DLGAP1: variants seen among roughly 807,000 people sequenced by gnomAD.
DLGAP1 encodes DLG associated protein 1, also known as disks large-associated protein 1.
In DLGAP1, 11 loss-of-function variants were observed where a neutral mutation model predicts 90.8. That is an observed-to-expected ratio of 0.12 (90% confidence interval 0.08 to 0.20). The LOEUF (loss-of-function observed/expected upper bound fraction) is 0.20. DLGAP1 is among the 10% of genes least tolerant of loss of function. DLGAP1 has a pLI of 1.00. For synonymous variants in DLGAP1, 558 were observed against 540.7 expected (o/e 1.03, Z -0.44); for missense variants, 1,050 against 1,333.8 (o/e 0.79, Z 3.31).
At chr18:3,979,600 T>C (rs1292871506) in intron 3 of DLGAP1, among the ~76,000 whole-genome samples, 1 of 152,202 alleles carries the variant, frequency 6.6e-6, no homozygotes, top group Non-Finnish European at 1.5e-5. Flanking sequence ...TTGGTAAAAG[T>C]GTACAAAGTT....
At chr18:4,355,068 A>G (rs1328458072) in intron 1 of DLGAP1, among the ~76,000 whole-genome samples, 1 of 152,164 alleles carries the variant, frequency 6.6e-6, no homozygotes, top group Non-Finnish European at 1.5e-5. Flanking sequence ...ACAGTTTGGC[A>G]GTGTCTTTTA....
At chr18:3,518,525 TAA>T (rs34819875) in intron 10 of DLGAP1, among the ~76,000 whole-genome samples, 103,229 of 148,752 alleles carry the variant, frequency 0.69, 36,214 homozygotes, top group South Asian at 0.8. Context: ...TCAATTTGTT[TAA>T]AAAAAAAAAA....
At chr18:3,639,896 A>G (rs764870850) in intron 7 of DLGAP1, among the ~76,000 whole-genome samples, 2 of 144,472 alleles carry the variant, frequency 1.4e-5, no homozygotes, top group Non-Finnish European at 3.0e-5. Context: ...CTGGGACTAC[A>G]GGCGCCCGCC....
chr18:4,214,344 G>A (rs2077908064), intron 1 of DLGAP1, among the ~76,000 whole-genome samples: 1 of 151,476 alleles, frequency 6.6e-6, no homozygotes, highest in South Asian at 2.1e-4. Flanking sequence ...AAAGGATTCA[G>A]TATAAAACCC....
chr18:4,246,621 C>T (rs2078657660), intron 1 of DLGAP1, among the ~76,000 whole-genome samples: 1 of 152,128 alleles, frequency 6.6e-6, no homozygotes, highest in Non-Finnish European at 1.5e-5. Context: ...TCTGTGTCTC[C>T]CCACACACCC....
intron 3 of DLGAP1, among the ~76,000 whole-genome samples, chr18:3,944,947 C>T (rs992464366): frequency 2.0e-5 from 3 of 152,146 alleles, no homozygotes; most frequent in Admixed American, 6.5e-5. Context: ...GTTTGGTTTC[C>T]TTAAATACAC....
chr18:4,230,950 C>G (rs1438018765), intron 1 of DLGAP1, among the ~76,000 whole-genome samples: 1 of 151,610 alleles, frequency 6.6e-6, no homozygotes, highest in African/African-American at 2.4e-5. Context: ...AACAAACAAA[C>G]AAAAAACCTA....
At chr18:3,552,847 A>G (rs1299476847) in intron 9 of DLGAP1, among the ~76,000 whole-genome samples, 2 of 152,136 alleles carry the variant, frequency 1.3e-5, no homozygotes, top group Non-Finnish European at 2.9e-5. Context: ...GTGGGTTCTT[A>G]AATTTAAATG....
At chr18:4,152,424 T>C (rs1320166709) in intron 1 of DLGAP1, among the ~76,000 whole-genome samples, 2 of 152,202 alleles carry the variant, frequency 1.3e-5, no homozygotes, top group Non-Finnish European at 2.9e-5. Context: ...GGAGGTGATA[T>C]GGCTCGATCA....
intron 10 of DLGAP1, among the ~76,000 whole-genome samples, chr18:3,530,258 T>C (rs35991615): frequency 0.16 from 23,600 of 152,022 alleles, 2,338 homozygotes; most frequent in Non-Finnish European, 0.21. Context: ...TTTTTAAAAA[T>C]TAGCCAGGCA....
At chr18:3,600,657 T>TATCTATAGATATCTATAGAG (rs1568276461) in intron 7 of DLGAP1, among the ~76,000 whole-genome samples, 3 of 147,314 alleles carry the variant, frequency 2.0e-5, no homozygotes, top group African/African-American at 7.7e-5. Context: ...GAGATATAGA[T>TATCTATAGATATCTATAGAG]ATCTATAGAG....
At chr18:3,594,657 T>C (rs1470869613) in intron 7 of DLGAP1, among the ~76,000 whole-genome samples, 2 of 152,146 alleles carry the variant, frequency 1.3e-5, no homozygotes, top group Non-Finnish European at 2.9e-5. Context: ...ATTTTCGTTG[T>C]TGTTGTTTTA....
intron 7 of DLGAP1, among the ~76,000 whole-genome samples, chr18:3,627,820 C>T (rs907117075): frequency 6.6e-5 from 10 of 151,650 alleles, no homozygotes; most frequent in South Asian, 2.1e-4. Flanking sequence ...TTAATCCCTC[C>T]GCTATTTTTT....
intron 4 of DLGAP1, among the ~76,000 whole-genome samples, chr18:3,873,645 A>G (rs1412458897): frequency 6.6e-6 from 1 of 152,156 alleles, no homozygotes; most frequent in Non-Finnish European, 1.5e-5. Context: ...AGATGGAAAT[A>G]ATCTTGAACC....
rs1028580597 is a variant in DLGAP1, at chr18:3,545,568, A to C, written c.2058-10953T>G. Among the ~76,000 whole-genome samples, 20 of 152,284 alleles carry C rather than the reference A, an allele frequency of 1.3e-4. No individual in the cohort carries two copies. The East Asian group carries it at 3.9e-3, about 29-fold the overall frequency. On this transcript the variant is annotated intron_variant, in intron 9 of 12. Transcript: ENST00000315677. ...AAAAACCTACTTTAAAAATAGAGAA[A>C]TAAATAGGCCGGGAGCCGTGGCTTA...
intron 7 of DLGAP1, among the ~76,000 whole-genome samples, chr18:3,588,251 G>T (rs973294538): frequency 6.6e-6 from 1 of 152,044 alleles, no homozygotes; most frequent in African/African-American, 2.4e-5. Flanking sequence ...CCTGAGGTTG[G>T]GAGTTCGAGA....
intron 7 of DLGAP1, chr18:3,603,745 G>C (rs1406508432): frequency 1.3e-5 from 2 of 154,376 alleles, no homozygotes; most frequent in Non-Finnish European, 2.9e-5. Context: ...CTGTCTTTCA[G>C]GATGAATGCC....
chr18:3,852,054 G>A (rs73940236), intron 4 of DLGAP1, among the ~76,000 whole-genome samples: 2,742 of 152,204 alleles, frequency 0.018, 80 homozygotes, highest in African/African-American at 0.062. Flanking sequence ...ATCGAATATG[G>A]CAAAGGAGAG....
At chr18:4,136,108 C>T (rs1233885173) in intron 2 of DLGAP1, among the ~76,000 whole-genome samples, 2 of 151,774 alleles carry the variant, frequency 1.3e-5, no homozygotes, top group Admixed American at 1.3e-4. Context: ...TGAGTGAGAA[C>T]ATGCGACATA....
Sources: gnomAD v4.1 joint callset for allele counts (sites outside exome capture counted in the v4.1 genomes callset) on GRCh38, gnomAD v4.1.1 for gene constraint, MANE v1.5 for transcripts, NCBI Gene and HGNC (gene_info 2026-07-23, HGNC 2026-07-21) for gene names.